The following PLA2G4D variants were observed in gnomAD, a reference collection of about 807,000 sequenced individuals.
PLA2G4D encodes cytosolic phospholipase A2 delta.
Under a neutral mutation model 94.4 loss-of-function variants are expected in PLA2G4D, and 80 were observed. The observed-to-expected ratio is 0.85, with a 90% CI of 0.71 to 1.02. PLA2G4D has a LOEUF of 1.02. Among genes scored for constraint, PLA2G4D ranks in the 50% least tolerant of loss-of-function variants. The pLI is 0.00. For missense variants in PLA2G4D, 1,050 were observed against 1,034.7 expected, an observed-to-expected ratio of 1.01 and a Z score of -0.20; for synonymous variants, 438 against 440.9, an observed-to-expected ratio of 0.99 and a Z score of 0.08.
chr15:42,071,253 G>A lies in PLA2G4D; in HGVS notation c.1746C>T (p.Gly582=). 6.2e-7 allele frequency: 1 copy of A among 1,608,838 alleles called. No individual in the cohort carries two copies. Among genetic ancestry groups the A allele is most frequent in the South Asian group, 1.1e-5 (1 of 90,368 alleles). ...SRLEASWLQP[G]TALAQAFKGF... Reference sequence around the variant, plus strand: ...CTTTAAATGCCTGGGCCAGCGCCGTGCCTGGCTGCAGCCACGAGGCCTCCA... The same window carrying A: ...CTTTAAATGCCTGGGCCAGCGCCGTACCTGGCTGCAGCCACGAGGCCTCCA... Residue 582 remains glycine, a synonymous_variant, in exon 17 of 20, where the codon GGC becomes GGT. Coordinates refer to ENST00000290472, the MANE Select transcript of PLA2G4D (RefSeq NM_178034.4).
At chr15:42,082,481 C>A (rs898020117) in intron 8 of PLA2G4D, 92 bp from the exon 9 acceptor site, 7 of 775,774 alleles carry the variant, frequency 9.0e-6, no homozygotes, top group East Asian at 2.6e-5. Flanking sequence ...CACATTCTCC[C>A]TGATAATACA....
chr15:42,088,933 A>G (rs1251472405), intron 1 of PLA2G4D, among the ~76,000 whole-genome samples: 1 of 152,198 alleles, frequency 6.6e-6, no homozygotes, highest in African/African-American at 2.4e-5. Context: ...CCCAGGAGCC[A>G]TGCAGTGTGG....
intron 13 of PLA2G4D, among the ~76,000 whole-genome samples, chr15:42,075,796 A>G (rs1889908969): frequency 6.6e-6 from 1 of 152,100 alleles, no homozygotes; most frequent in Non-Finnish European, 1.5e-5. Context: ...CTGAGGCACA[A>G]GAATCACTTG....
chr15:42,082,298 A>G lies in PLA2G4D; in HGVS notation c.764T>C (p.Met255Thr). The change falls in exon 9 of 20, where the codon ATG (methionine) becomes ACG (threonine). Residue 255 changes from methionine to threonine, a missense_variant. Physicochemically the swap from Met to Thr is moderately conservative, Grantham distance 81. Transcript: ENST00000290472. ...ACTTACATTTGGAGCAGGAACATCC[A>G]TAGTCACCTCCTTCCCAATGGTCAA... ...RPLTIGKEVT[M>T]DVPAPNAPGV... 1 of 1,614,062 alleles carries G rather than the reference A, an allele frequency of 6.2e-7. No individual in the cohort carries two copies.
At chr15:42,081,365 C>G in intron 11 of PLA2G4D, 114 bp downstream of exon 11, 1 of 1,499,466 alleles carries the variant, frequency 6.7e-7, no homozygotes, top group Non-Finnish European at 9.0e-7. Flanking sequence ...TCCCATGTCT[C>G]CACACACATG....
rs1889727636 is a variant in PLA2G4D, at chr15:42,068,526, C to T, written c.*189G>A. 4.9e-6 allele frequency: 3 copies of T among 613,680 alleles called. No homozygotes were observed. In the South Asian group the frequency reaches 6.0e-5, roughly 12 times the overall value. The allele number at this position is 613,680 out of a possible 1,614,324, so 38.0% of individuals were successfully genotyped here. A position where few individuals can be genotyped will look rare whatever the true frequency, so the allele number is the denominator to read the frequency against. On this transcript the variant is annotated 3_prime_UTR_variant, in exon 20 of 20. Transcript: ENST00000290472. Reference sequence around the variant, plus strand: ...CCTGGCGAAGTTATTTTCAACTCATCTCAAGCCAGCCATGAACGTAAGAGA... The same window carrying T: ...CCTGGCGAAGTTATTTTCAACTCATTTCAAGCCAGCCATGAACGTAAGAGA...
intron 1 of PLA2G4D, among the ~76,000 whole-genome samples, chr15:42,091,845 CCT>C (rs575737616): frequency 2.6e-5 from 4 of 151,958 alleles, no homozygotes; most frequent in African/African-American, 9.6e-5. Context: ...CTCTTTGTCT[CCT>C]CTCTCTCTCT....
rs1025868438 is a variant in PLA2G4D, at chr15:42,083,399, C to T, written c.536-65G>A. 2.6e-6 allele frequency: 4 copies of T among 1,550,506 alleles called. No individual in the cohort carries two copies. The African/African-American group carries it at 5.5e-5, about 21-fold the overall frequency. ...CCGGAACCCCAGCTCGGACCTGGGA[C>T]AGCAGCACCACCACCTGGATTCAGA... On this transcript the variant is annotated intron_variant, in intron 7 of 19. Coordinates refer to ENST00000290472, the MANE Select transcript of PLA2G4D (RefSeq NM_178034.4).
intron 1 of PLA2G4D, among the ~76,000 whole-genome samples, chr15:42,092,282 GAGTT>G (rs1165341321): frequency 6.6e-6 from 1 of 152,196 alleles, no homozygotes; most frequent in Non-Finnish European, 1.5e-5. Flanking sequence ...AGCAGGGACA[GAGTT>G]AGAATTCAAA....
intron 1 of PLA2G4D, among the ~76,000 whole-genome samples, chr15:42,089,999 T>G (rs1466913783): frequency 6.6e-6 from 1 of 152,180 alleles, no homozygotes; most frequent in Non-Finnish European, 1.5e-5. Context: ...ACCTCTAAGA[T>G]CATCGCTAAC....
Position 42,072,386 on chromosome 15 carries a change from C to A in PLA2G4D, c.1324G>T (p.Asp442Tyr), listed in dbSNP as rs763949364. The change falls in exon 14 of 20, where the codon GAT becomes TAT. Residue 442 changes from aspartate (D) to tyrosine (Y), a missense_variant. Physicochemically the swap from Asp to Tyr is radical, Grantham distance 160 (BLOSUM62 -3). Transcript: ENST00000290472. Reference sequence around the variant, plus strand: ...GCTCTCTGTCCTGACAGCTTCTGATCCATCACCTGGGGCCAGAGGGCATCA... The same window carrying A: ...GCTCTCTGTCCTGACAGCTTCTGATACATCACCTGGGGCCAGAGGGCATCA... ...LESMLHGQVM[D>Y]QKLSGQRAAL... 6 of 1,612,452 alleles carry A rather than the reference C, an allele frequency of 3.7e-6. No individual in the cohort carries two copies. In the South Asian group the frequency reaches 5.5e-5, roughly 15 times the overall value.
Position 42,068,718 on chromosome 15 carries a change from G to T in PLA2G4D, c.2454C>A (p.Thr818=). 1 of 1,603,434 alleles carries T rather than the reference G, an allele frequency of 6.2e-7. No homozygotes were observed. The highest frequency in any genetic ancestry group is 1.1e-5 in the South Asian group (1 of 89,420). Residue 818 remains threonine, a synonymous_variant, in exon 20 of 20, where the codon ACC becomes ACA. Transcript: ENST00000290472. ...GTCCTGCAGCCTCTGAGCAACCTCAGGTCTGTGCCCTTGGAGGCCTCGCCT... is the reference window on the plus strand; with the variant it reads ...GTCCTGCAGCCTCTGAGCAACCTCATGTCTGTGCCCTTGGAGGCCTCGCCT... ...TLEARPPRAQ[T]
intron 1 of PLA2G4D, among the ~76,000 whole-genome samples, chr15:42,088,153 A>G (rs1739822392): frequency 6.6e-6 from 1 of 152,220 alleles, no homozygotes; most frequent in Admixed American, 6.5e-5. Context: ...GGAAGCAGGC[A>G]TATGACTTAA....
chr15:42,088,580 T>G (rs946678860), intron 1 of PLA2G4D, among the ~76,000 whole-genome samples: 2 of 152,194 alleles, frequency 1.3e-5, no homozygotes, highest in Admixed American at 1.3e-4. Context: ...TTTCTGGGCA[T>G]CTGGCACAGG....
Position 42,072,212 on chromosome 15 carries a change from G to A in PLA2G4D, c.1435+63C>T, listed in dbSNP as rs183543103. 7 of 1,390,662 alleles carry A rather than the reference G, an allele frequency of 5.0e-6. No homozygotes were observed. The East Asian group carries it at 6.9e-5, about 14-fold the overall frequency. 86.1% of individuals were successfully genotyped at this position (1,390,662 alleles called of 1,614,324 possible). A position where few individuals can be genotyped will look rare whatever the true frequency, so the allele number is the denominator to read the frequency against. On this transcript the variant is annotated intron_variant, in intron 14 of 19. Coordinates refer to ENST00000290472, the MANE Select transcript of PLA2G4D (RefSeq NM_178034.4). ...AGCTTCCAGCATGAATTCTCTGGGGGCTGTCGGGGTGCAGAGGGTTTGGGG... is the reference window on the plus strand; with the variant it reads ...AGCTTCCAGCATGAATTCTCTGGGGACTGTCGGGGTGCAGAGGGTTTGGGG...
At position 42,069,969 on chromosome 15, in the gene PLA2G4D, C is replaced by T; in HGVS notation, c.2170G>A (p.Ala724Thr). 6.8e-7 allele frequency: 1 copy of T among 1,469,630 alleles called. No homozygotes were observed. 91.0% of individuals were successfully genotyped at this position (1,469,630 alleles called of 1,614,324 possible). ...AGCGGGAAGTGCAGCAGGATCGGGG[C>T]CTCGGGGCAGGCGGGGTCTGAGAAG... is the stretch of plus-strand genomic sequence containing the variant. ...HLFSDPACPE[A>T]PILLHFPLVN... Residue 724 changes from alanine to threonine, a missense_variant, in exon 19 of 20, where the codon GCC becomes ACC. Ala to Thr is a moderately conservative substitution (Grantham distance 58). Transcript: ENST00000290472.
Position 42,071,224 on chromosome 15 carries a change from A to G in PLA2G4D, c.1775T>C (p.Phe592Ser). 6.2e-7 allele frequency: 1 copy of G among 1,613,308 alleles called. No homozygotes were observed. Among genetic ancestry groups the G allele is most frequent in the African/African-American group, 1.3e-5 (1 of 74,958 alleles). The change falls in exon 17 of 20, where the codon TTC becomes TCC. Residue 592 changes from phenylalanine (F) to serine (S), a missense_variant. Physicochemically the swap from Phe to Ser is radical, Grantham distance 155 (BLOSUM62 -2). Coordinates refer to ENST00000290472, the MANE Select transcript of PLA2G4D (RefSeq NM_178034.4). Reference sequence around the variant, plus strand: ...CTGGTGGAGGGGCCTGCCTGTCAGGAAGCCTTTAAATGCCTGGGCCAGCGC... The same window carrying G: ...CTGGTGGAGGGGCCTGCCTGTCAGGGAGCCTTTAAATGCCTGGGCCAGCGC... ...GTALAQAFKG[F>S]LTGRPLHQRS...
intron 13 of PLA2G4D, among the ~76,000 whole-genome samples, chr15:42,073,602 G>A (rs955803976): frequency 6.6e-6 from 1 of 152,186 alleles, no homozygotes; most frequent in East Asian, 1.9e-4. Flanking sequence ...TCTAGTTCTA[G>A]AGGCTCCCAA....
Position 42,084,636 on chromosome 15 carries a change from C to T in PLA2G4D, c.471+460G>A, listed in dbSNP as rs1375913496. Among the ~76,000 whole-genome samples the T allele has an allele frequency of 3.3e-5, 5 of 150,172 alleles. No individual in the cohort carries two copies. Among genetic ancestry groups the T allele is most frequent in the Admixed American group, 3.3e-4 (5 of 15,088 alleles). ...GCGCTGACCAGGACTCTCCCCAGTC[C>T]CAAGGAGGAGCTAGCTGCCTGAGCC... is the stretch of plus-strand genomic sequence containing the variant. On this transcript the variant is annotated intron_variant, in intron 6 of 19. Transcript: ENST00000290472. The surrounding 1 kb of genome is among the most constrained non-coding windows in gnomAD (Gnocchi z 4.8).
Sources: gnomAD v4.1 joint callset for allele counts (sites outside exome capture counted in the v4.1 genomes callset) on GRCh38, gnomAD v4.1.1 for gene constraint, Gnocchi (gnomAD v3.1) non-coding constraint, MANE v1.5 for transcripts, NCBI Gene and HGNC (gene_info 2026-07-23, HGNC 2026-07-21) for gene names.